SORCS2: variants seen among roughly 807,000 people sequenced by gnomAD.
SORCS2 encodes the protein VPS10 domain-containing receptor SorCS2.
SORCS2 carries 100 observed loss-of-function variants against 141.6 expected under a neutral mutation model. The observed-to-expected ratio is 0.71, with a 90% CI of 0.60 to 0.83. The LOEUF (loss-of-function observed/expected upper bound fraction) is 0.83. Ranked by LOEUF, SORCS2 falls within the 40% of genes least tolerant of loss-of-function variation. The pLI, the probability that SORCS2 is intolerant of heterozygous loss-of-function variation, is 0.00. For synonymous variants in SORCS2, 789 were observed against 676.9 expected (o/e 1.17, Z -2.57); for missense variants, 1,646 against 1,560.2 (o/e 1.05, Z -0.93).
intron 1 of SORCS2, among the ~76,000 whole-genome samples, chr4:7,282,319 A>C (rs1368113309): frequency 6.6e-6 from 1 of 152,238 alleles, no homozygotes; most frequent in East Asian, 1.9e-4. Context: ...CATGTTTTTA[A>C]GACAGGATCT....
intron 2 of SORCS2, among the ~76,000 whole-genome samples, chr4:7,426,168 G>C (rs1726419635): frequency 6.6e-6 from 1 of 152,228 alleles, no homozygotes; most frequent in African/African-American, 2.4e-5. Flanking sequence ...GGAGAAGGTG[G>C]GGAGGCCGGG....
At chr4:7,503,649 G>A (rs530274462) in intron 2 of SORCS2, among the ~76,000 whole-genome samples, 4 of 150,702 alleles carry the variant, frequency 2.7e-5, no homozygotes, top group African/African-American at 9.8e-5. Flanking sequence ...GGTGCAGATG[G>A]AGGTGGGGGT....
intron 2 of SORCS2, among the ~76,000 whole-genome samples, chr4:7,443,817 C>G (rs74465737): frequency 1.3e-5 from 2 of 152,372 alleles, no homozygotes; most frequent in South Asian, 2.1e-4. Flanking sequence ...GTTCCTGAGT[C>G]TGTGGCTCCT....
chr4:7,265,400 G>A (rs1057184979), intron 1 of SORCS2, among the ~76,000 whole-genome samples: 14 of 152,212 alleles, frequency 9.2e-5, no homozygotes, highest in East Asian at 5.8e-4. Context: ...CTGAGGCAGG[G>A]GAATCGCTTG....
chr4:7,322,773 C>T (rs1357772462), intron 1 of SORCS2, among the ~76,000 whole-genome samples: 1 of 152,128 alleles, frequency 6.6e-6, no homozygotes, highest in Non-Finnish European at 1.5e-5. Context: ...TGGGGGAGGA[C>T]CTATTCTGAC....
intron 3 of SORCS2, among the ~76,000 whole-genome samples, chr4:7,625,969 T>A (rs1209867406): frequency 1.3e-5 from 2 of 152,042 alleles, no homozygotes; most frequent in East Asian, 3.9e-4. Flanking sequence ...GGAGACCCTG[T>A]CTCTACAAAA....
At chr4:7,434,380 G>T (rs748149717) in intron 2 of SORCS2, 18 of 1,607,280 alleles carry the variant, frequency 1.1e-5, no homozygotes, top group Non-Finnish European at 1.5e-5. Context: ...GGGCCCATTG[G>T]CCATGAACGG....
At chr4:7,228,265 A>G (rs550753958) in intron 1 of SORCS2, among the ~76,000 whole-genome samples, 2 of 149,502 alleles carry the variant, frequency 1.3e-5, no homozygotes, top group Admixed American at 1.3e-4. Context: ...GTCAGGGCCC[A>G]TTCTGACCAC....
intron 3 of SORCS2, among the ~76,000 whole-genome samples, chr4:7,555,734 G>T (rs971726778): frequency 2.6e-5 from 4 of 152,234 alleles, no homozygotes; most frequent in Non-Finnish European, 5.9e-5. Context: ...TCTAGAAGGG[G>T]ATCATGGGGG....
rs34058821 is a variant in SORCS2 at position 7,664,433 on chromosome 4, G to A, written c.1033G>A (p.Gly345Arg). Residue 345 changes from glycine to arginine, a missense_variant, in exon 7 of 27, where the codon GGG (glycine) becomes AGG (arginine). Coordinates refer to ENST00000507866, the MANE Select transcript of SORCS2 (RefSeq NM_020777.3). This position sits in a 1 kb window ranked among gnomAD's most constrained non-coding sequence, Gnocchi z 4.7. ...CCCATTCGCAGGCCCCATTGACCACGGGTCTCTGACCGTGCAGGACGATTA... is the reference window on the plus strand; with the variant it reads ...CCCATTCGCAGGCCCCATTGACCACAGGTCTCTGACCGTGCAGGACGATTA... ...TAPFAGPIDH[G>R]SLTVQDDYIF... 69,808 of 1,613,782 alleles carry A rather than the reference G, an allele frequency of 0.043. 1,697 individuals are homozygous for A. The highest frequency in any genetic ancestry group is 0.048 in the Non-Finnish European group (56,813 of 1,179,762).
intron 2 of SORCS2, among the ~76,000 whole-genome samples, chr4:7,521,864 A>T (rs1318809608): frequency 6.6e-6 from 1 of 152,202 alleles, no homozygotes; most frequent in Non-Finnish European, 1.5e-5. Flanking sequence ...AGGTGCTGGC[A>T]CTCAGCCTCG....
intron 1 of SORCS2, among the ~76,000 whole-genome samples, chr4:7,385,098 G>A (rs1251015934): frequency 1.3e-5 from 2 of 152,166 alleles, no homozygotes; most frequent in East Asian, 3.9e-4. Context: ...GTGGCACTCA[G>A]GGGTGTATGG....
chr4:7,253,196 G>A (rs768732103), intron 1 of SORCS2, among the ~76,000 whole-genome samples: 1 of 152,180 alleles, frequency 6.6e-6, no homozygotes, highest in African/African-American at 2.4e-5. Context: ...AGGTCTTATC[G>A]CCATCCCTGT....
intron 3 of SORCS2, among the ~76,000 whole-genome samples, chr4:7,587,779 A>G (rs1298665698): frequency 2.6e-5 from 4 of 152,066 alleles, no homozygotes; most frequent in African/African-American, 9.7e-5. Flanking sequence ...CCCTCTTTCC[A>G]GCTGCAGGGC....
At chr4:7,485,127 A>C (rs931730617) in intron 2 of SORCS2, among the ~76,000 whole-genome samples, 5 of 152,090 alleles carry the variant, frequency 3.3e-5, no homozygotes, top group Admixed American at 2.0e-4. Flanking sequence ...GTCTCACTCC[A>C]CACGGCACAC....
In SORCS2 at chr4:7,509,159, A is replaced by G. The variant is rs564650077; in HGVS notation, c.549-22371A>G. Among the ~76,000 whole-genome samples the G allele has an allele frequency of 1.7e-4, 26 of 152,316 alleles. No individual in the cohort carries two copies. In the South Asian group the frequency reaches 4.4e-3, roughly 26 times the overall value. ...GGCGGAAGAGACCCTGGGGCTGCCC[A>G]GGGCGGTGAGGCAGCCCACATTAGA... On this transcript the variant is annotated intron_variant, in intron 2 of 26. Coordinates refer to ENST00000507866, the MANE Select transcript of SORCS2 (RefSeq NM_020777.3).
chr4:7,479,562 G>A (rs1039670573), intron 2 of SORCS2, among the ~76,000 whole-genome samples: 1 of 152,200 alleles, frequency 6.6e-6, no homozygotes, highest in Non-Finnish European at 1.5e-5. Context: ...AGAGGGCTCT[G>A]CGCTGGAGCC....
At chr4:7,466,238 C>T (rs115113524) in intron 2 of SORCS2, among the ~76,000 whole-genome samples, 1,596 of 152,200 alleles carry the variant, frequency 0.01, 26 homozygotes, top group African/African-American at 0.036. Context: ...GGTTCACGCC[C>T]CTGCAGTCAA....
chr4:7,698,887 G>A (rs1366955503), intron 12 of SORCS2, among the ~76,000 whole-genome samples: 1 of 151,966 alleles, frequency 6.6e-6, no homozygotes, highest in East Asian at 1.9e-4. Context: ...GGGCTGAGGA[G>A]GAAGGATGTC....
Sources: allele counts gnomAD v4.1 joint callset (sites outside exome capture counted in the v4.1 genomes callset), GRCh38; gene constraint gnomAD v4.1.1; non-coding constraint Gnocchi (gnomAD v3.1); transcripts MANE v1.5; gene names NCBI Gene and HGNC (gene_info 2026-07-23, HGNC 2026-07-21).